The following GRM7 variants were observed in gnomAD, a reference collection of about 807,000 sequenced individuals.
GRM7 encodes glutamate metabotropic receptor 7.
In GRM7, 35 loss-of-function variants were observed where a neutral mutation model predicts 84.5. That is an observed-to-expected ratio of 0.41 (90% confidence interval 0.32 to 0.55). GRM7 has a LOEUF of 0.55. Ranked by LOEUF, GRM7 falls within the 20% of genes least tolerant of loss-of-function variation. GRM7 has a pLI of 0.19. For missense variants in GRM7, 1,003 were observed against 1,194.6 expected (o/e 0.84, Z 2.36); for synonymous variants, 487 against 455.1 (o/e 1.07, Z -0.89).
At chr3:7,529,541 A>T (rs940602211) in intron 7 of GRM7, among the ~76,000 whole-genome samples, 1 of 151,844 alleles carries the variant, frequency 6.6e-6, no homozygotes, top group Non-Finnish European at 1.5e-5. Flanking sequence ...AACATTATAG[A>T]CTCTTAACGG....
At chr3:7,198,945 T>A (rs530082167) in intron 2 of GRM7, among the ~76,000 whole-genome samples, 4 of 152,310 alleles carry the variant, frequency 2.6e-5, no homozygotes, top group East Asian at 3.9e-4. Flanking sequence ...CCATGATGTA[T>A]CTTTAAAAGT....
At chr3:6,990,867 T>A (rs1694609092) in intron 1 of GRM7, among the ~76,000 whole-genome samples, 1 of 152,184 alleles carries the variant, frequency 6.6e-6, no homozygotes, top group Admixed American at 6.5e-5. Flanking sequence ...CTGACTGGGA[T>A]TCTTCCTTGG....
intron 4 of GRM7, among the ~76,000 whole-genome samples, chr3:7,361,000 G>C (rs1693636951): frequency 6.6e-6 from 1 of 151,990 alleles, no homozygotes; most frequent in South Asian, 2.1e-4. Flanking sequence ...TGTGGCTCTT[G>C]AACTGATGCC....
intron 4 of GRM7, among the ~76,000 whole-genome samples, chr3:7,336,021 G>A (rs1313353606): frequency 6.6e-6 from 1 of 151,922 alleles, no homozygotes; most frequent in Non-Finnish European, 1.5e-5. Flanking sequence ...AAATGATAAA[G>A]AGGGAATTCT....
chr3:7,125,371 T>G (rs2125047780), intron 1 of GRM7, among the ~76,000 whole-genome samples: 1 of 152,284 alleles, frequency 6.6e-6, no homozygotes, highest in South Asian at 2.1e-4. Context: ...AAAACAAAAC[T>G]TAGAACATTT....
intron 7 of GRM7, 26 bp downstream of exon 7, chr3:7,461,748 C>A: frequency 6.2e-7 from 1 of 1,607,678 alleles, no homozygotes; most frequent in Non-Finnish European, 8.5e-7. Flanking sequence ...TTCTCTTCTT[C>A]CCTTGTTGAG....
intron 8 of GRM7, among the ~76,000 whole-genome samples, chr3:7,658,840 T>C (rs1699312509): frequency 6.6e-6 from 1 of 152,256 alleles, no homozygotes; most frequent in Non-Finnish European, 1.5e-5. Flanking sequence ...TTCTTGTTTA[T>C]ATGCTTTTCA....
At chr3:7,448,515 A>T (rs1262011212) in intron 5 of GRM7, among the ~76,000 whole-genome samples, 1 of 152,196 alleles carries the variant, frequency 6.6e-6, no homozygotes, top group Non-Finnish European at 1.5e-5. Context: ...ATCAGATTTC[A>T]GTTGGGAGAG....
At chr3:7,400,344 C>T (rs1344753350) in intron 4 of GRM7, among the ~76,000 whole-genome samples, 1 of 152,156 alleles carries the variant, frequency 6.6e-6, no homozygotes, top group Non-Finnish European at 1.5e-5. Flanking sequence ...TATATTCTTC[C>T]TCAAATGCAG....
chr3:7,687,783 T>G (rs1169147738), intron 9 of GRM7, among the ~76,000 whole-genome samples: 1 of 152,208 alleles, frequency 6.6e-6, no homozygotes, highest in Non-Finnish European at 1.5e-5. Context: ...TCTCTCTCTT[T>G]TATCCATTTA....
chr3:7,416,803 C>T (rs747328565), intron 5 of GRM7, among the ~76,000 whole-genome samples: 6 of 151,902 alleles, frequency 3.9e-5, no homozygotes, highest in Non-Finnish European at 7.4e-5. Flanking sequence ...TAGACCTAGG[C>T]GACACAAAGC....
intron 9 of GRM7, among the ~76,000 whole-genome samples, chr3:7,700,441 T>C (rs1701183527): frequency 6.6e-6 from 1 of 152,314 alleles, no homozygotes; most frequent in Non-Finnish European, 1.5e-5. Context: ...GATACTCAAA[T>C]AGAGTGCCTC....
At chr3:7,113,255 T>C (rs1692921799) in intron 1 of GRM7, among the ~76,000 whole-genome samples, 1 of 152,140 alleles carries the variant, frequency 6.6e-6, no homozygotes, top group African/African-American at 2.4e-5. Flanking sequence ...TTAATTATAG[T>C]GACTTTATTT....
chr3:7,713,779 G>C (rs1701674583), intron 9 of GRM7, among the ~76,000 whole-genome samples: 1 of 141,620 alleles, frequency 7.1e-6, no homozygotes, highest in South Asian at 2.4e-4. Context: ...TCAATTGGAA[G>C]AGCCACGGAT....
In GRM7 at chr3:6,990,479, C is replaced by A. The variant is rs187107449; in HGVS notation, c.519+128572C>A. ...TTTTGTTCATTTTTCTTCTCCTTAG[C>A]AAATCATCAGGCATCCAGGCTTTTT... On this transcript the variant is annotated intron_variant, in intron 1 of 9. Transcript: ENST00000357716. 5.3e-5 allele frequency among the ~76,000 whole-genome samples: 8 copies of A among 152,216 alleles called. No homozygotes were observed. In the East Asian group the frequency reaches 1.4e-3, roughly 26 times the overall value.
intron 1 of GRM7, among the ~76,000 whole-genome samples, chr3:7,012,379 T>C (rs1184950932): frequency 6.6e-6 from 1 of 152,204 alleles, no homozygotes; most frequent in African/African-American, 2.4e-5. Flanking sequence ...AACTGTTCTT[T>C]ACAATTTCAA....
At chr3:7,325,342 A>G (rs1700942288) in intron 4 of GRM7, among the ~76,000 whole-genome samples, 1 of 152,334 alleles carries the variant, frequency 6.6e-6, no homozygotes, top group Middle Eastern at 3.4e-3. Flanking sequence ...GATTCTCTAG[A>G]GCAAAGCTTC....
At chr3:7,520,968 C>T (rs539034248) in intron 7 of GRM7, among the ~76,000 whole-genome samples, 18 of 152,262 alleles carry the variant, frequency 1.2e-4, no homozygotes, top group African/African-American at 2.2e-4. Flanking sequence ...TTTCCTTTGA[C>T]GCCTACTATA....
At chr3:7,457,907 C>G (rs1698084995) in intron 6 of GRM7, among the ~76,000 whole-genome samples, 1 of 152,066 alleles carries the variant, frequency 6.6e-6, no homozygotes, top group South Asian at 2.1e-4. Context: ...CATGAGTGGA[C>G]CAGAGAGCTG....
Sources: gnomAD v4.1 joint callset for allele counts (sites outside exome capture counted in the v4.1 genomes callset) on GRCh38, gnomAD v4.1.1 for gene constraint, MANE v1.5 for transcripts, NCBI Gene and HGNC (gene_info 2026-07-23, HGNC 2026-07-21) for gene names.